Variants in UBA7 observed in about 807,000 individuals in gnomAD.
UBA7 encodes the protein ubiquitin like modifier activating enzyme 7.
A neutral mutation model predicts 113.0 loss-of-function variants in UBA7; 88 were observed. That is an observed-to-expected ratio of 0.78 (90% CI 0.66 to 0.93). UBA7 has a LOEUF of 0.93. UBA7 is among the 40% of genes least tolerant of loss of function. The pLI is 0.00. For missense variants in UBA7, 1,092 were observed against 1,266.4 expected (o/e 0.86, Z 2.09); for synonymous variants, 459 against 513.0 (o/e 0.89, Z 1.42).
chr3:49,813,020 GC>G, intron 4 of UBA7, 41 bp downstream of exon 4: 1 of 1,595,594 alleles, frequency 6.3e-7, no homozygotes, highest in Non-Finnish European at 8.5e-7. Flanking sequence ...GAGGCCAGTT[GC>G]TGGCTGTAAT....
At chr3:49,806,328 C>T (rs553964901) in intron 21 of UBA7, 163 bp from the exon 22 acceptor site, 29 of 641,700 alleles carry the variant, frequency 4.5e-5, no homozygotes, top group East Asian at 3.6e-4. Context: ...GTCTCAGCCC[C>T]CTCCCCGTCC....
chr3:49,813,942 C>CTGGCTCCT lies in UBA7; in HGVS notation c.-156_-155insAGGAGCCA. On this transcript the variant is annotated 5_prime_UTR_variant, in exon 1 of 24. Coordinates refer to ENST00000333486, the MANE Select transcript of UBA7 (RefSeq NM_003335.3). ...GGACGCTGCTGGTCACAGCTCTCTTCCTGGAGAAAAGAAAAGTGAAAGTTA... is the reference window on the plus strand; with the variant it reads ...GGACGCTGCTGGTCACAGCTCTCTTCTGGCTCCTCTGGAGAAAAGAAAAGTGAAAGTTA... 1.3e-6 allele frequency: 1 copy of CTGGCTCCT among 776,644 alleles called. No homozygotes were observed. Among genetic ancestry groups the CTGGCTCCT allele is most frequent in the Non-Finnish European group, 2.1e-6 (1 of 482,196 alleles). The allele number at this position is 776,644 out of a possible 1,614,324, so 48.1% of individuals were successfully genotyped here.
chr3:49,812,787 A>C, intron 4 of UBA7, 49 bp from the exon 5 acceptor site: 1 of 1,597,458 alleles, frequency 6.3e-7, no homozygotes, highest in Admixed American at 1.7e-5. Flanking sequence ...GATTGTACTT[A>C]AGGATAGGGG....
rs1263954560 is a variant in UBA7, at chr3:49,806,157, G to A, written c.2724C>T (p.His908=). ...PFAPAIQTFH[H]LKWTSWDRLK... ...GACGGTCCCAAGAGGTCCACTTCAGGTGATGGAACTGGGATGAGGTAGAGG... is the reference window on the plus strand; with the variant it reads ...GACGGTCCCAAGAGGTCCACTTCAGATGATGGAACTGGGATGAGGTAGAGG... The change falls in exon 22 of 24, where the codon CAC becomes CAT. Residue 908 remains histidine (H), a synonymous_variant. Coordinates refer to ENST00000333486, the MANE Select transcript of UBA7 (RefSeq NM_003335.3). 6.3e-7 allele frequency: 1 copy of A among 1,598,460 alleles called. No individual in the cohort carries two copies. The highest frequency in any genetic ancestry group is 1.7e-5 in the Admixed American group (1 of 57,546).
chr3:49,808,255 G>C, intron 19 of UBA7, 131 bp downstream of exon 19: 1 of 1,506,468 alleles, frequency 6.6e-7, no homozygotes, highest in Non-Finnish European at 9.2e-7. Flanking sequence ...CTGAGGTTCA[G>C]GGAATGTGAG....
At position 49,813,931 on chromosome 3, in the gene UBA7, A is replaced by G. The variant is rs2081590912; in HGVS notation, c.-144T>C. On this transcript the variant is annotated 5_prime_UTR_variant, in exon 1 of 24. Transcript: ENST00000333486. ...AAGCGAATAAGGGACGCTGCTGGTC[A>G]CAGCTCTCTTCCTGGAGAAAAGAAA... 1 of 742,086 alleles carries G rather than the reference A, an allele frequency of 1.3e-6. No homozygotes were observed. Among genetic ancestry groups the G allele is most frequent in the African/African-American group, 2.3e-5 (1 of 43,346 alleles). 46.0% of individuals were successfully genotyped at this position (742,086 alleles called of 1,614,324 possible). A position where few individuals can be genotyped will look rare whatever the true frequency, so the allele number is the denominator to read the frequency against.
intron 18 of UBA7, 62 bp downstream of exon 18, chr3:49,808,914 G>GAGGAC (rs1022497902): frequency 4.5e-6 from 7 of 1,561,634 alleles, no homozygotes; most frequent in Non-Finnish European, 5.2e-6. Context: ...AGCACAGGCT[G>GAGGAC]AGGACAGGAC....
chr3:49,813,424 C>A (rs532660246), intron 2 of UBA7, 41 bp from the exon 3 acceptor site: 8 of 1,609,662 alleles, frequency 5.0e-6, no homozygotes, highest in Middle Eastern at 1.7e-4. Flanking sequence ...AGACACTCCT[C>A]TTGGGCCGTG....
chr3:49,812,323 A>T, intron 6 of UBA7, 85 bp downstream of exon 6: 1 of 1,610,530 alleles, frequency 6.2e-7, no homozygotes, highest in Non-Finnish European at 8.5e-7. Flanking sequence ...GTGGAGGGAG[A>T]AAAACCCATC....
chr3:49,812,614 G>T, intron 5 of UBA7, 34 bp downstream of exon 5: 5 of 1,614,220 alleles, frequency 3.1e-6, no homozygotes. Flanking sequence ...CCTCTCCTTG[G>T]TCAGCAGGTG....
intron 21 of UBA7, among the ~76,000 whole-genome samples, chr3:49,806,766 C>G (rs928010331): frequency 6.6e-6 from 1 of 151,928 alleles, no homozygotes; most frequent in African/African-American, 2.4e-5. Context: ...ACAGGGGGTG[C>G]TTATCAGCCC....
At position 49,807,770 on chromosome 3, in the gene UBA7, A is replaced by T. The variant is rs762839252; in HGVS notation, c.2681T>A (p.Ile894Asn). The change falls in exon 21 of 24, where the codon ATC becomes AAC. Residue 894 changes from isoleucine to asparagine, a missense_variant. Around this residue, in one of 3 missense-constraint regions of UBA7, gnomAD observed 500 missense variants for 529.3 expected, o/e 0.94. Coordinates refer to ENST00000333486, the MANE Select transcript of UBA7 (RefSeq NM_003335.3). This position sits in a 1 kb window ranked among gnomAD's most constrained non-coding sequence, Gnocchi z 4.0. ...SYLHLAENYL[I>N]RYMPFAPAIQ... ...GGCTGGGGCAAAAGGCATATAGCGG[A>T]TGAGGTAGTTTTCAGCCAGATGTAG... 6.2e-7 allele frequency: 1 copy of T among 1,613,088 alleles called. No homozygotes were observed. Among genetic ancestry groups the T allele is most frequent in the African/African-American group, 1.3e-5 (1 of 74,892 alleles).
At position 49,810,550 on chromosome 3, in the gene UBA7, G is replaced by A. The variant is rs758478231; in HGVS notation, c.1434C>T (p.Ser478=). ...DMDHIERSNL[S]RQFLFRSQDV... is the part of the protein sequence containing the mutation. ...CCTGGGACCTGAAGAGGAACTGACG[G>A]CTGAGATTGGAGCGCTCTATGTGGT... The change falls in exon 12 of 24, where the codon AGC becomes AGT. Residue 478 remains serine (S), a synonymous_variant. Transcript: ENST00000333486. The surrounding 1 kb of genome is among the most constrained non-coding windows in gnomAD (Gnocchi z 5.6). 4.3e-6 allele frequency: 7 copies of A among 1,614,150 alleles called. No homozygotes were observed. The highest frequency in any genetic ancestry group is 5.9e-6 in the Non-Finnish European group (7 of 1,180,024).
rs780450954 is a variant in UBA7 at position 49,807,760 on chromosome 3, C to T, written c.2691G>A (p.Met897Ile). The T allele has an allele frequency of 6.2e-7, 1 of 1,611,854 alleles. No homozygotes were observed. Among genetic ancestry groups the T allele is most frequent in the Non-Finnish European group, 8.5e-7 (1 of 1,179,024 alleles). Residue 897 changes from methionine to isoleucine, a missense_variant, in exon 21 of 24, where the codon ATG becomes ATA. This residue lies in a region of UBA7 where 500 missense variants were observed against 529.3 expected (regional missense o/e 0.94). Coordinates refer to ENST00000333486, the MANE Select transcript of UBA7 (RefSeq NM_003335.3). The surrounding 1 kb of genome is among the most constrained non-coding windows in gnomAD (Gnocchi z 4.0). ...HLAENYLIRYMPFAPAIQTFH... is the reference protein window; with the variant it reads ...HLAENYLIRYIPFAPAIQTFH... ...CCGTCTGGATGGCTGGGGCAAAAGG[C>T]ATATAGCGGATGAGGTAGTTTTCAG...
Position 49,809,471 on chromosome 3 carries a change from A to G in UBA7, c.2089-7T>C, listed in dbSNP as rs1233541185. The G allele has an allele frequency of 2.5e-6, 4 of 1,614,022 alleles. No individual in the cohort carries two copies. In the Admixed American group the frequency reaches 5.0e-5, roughly 20 times the overall value. On this transcript the variant is annotated splice_region_variant and splice_polypyrimidine_tract_variant and intron_variant, in intron 16 of 23. Coordinates refer to ENST00000333486, the MANE Select transcript of UBA7 (RefSeq NM_003335.3). The stretch of plus-strand genomic sequence containing the variant: ...GAGTTCCATCCTCAAGCACCTAGGT[A>G]GGTAAGTAGAAGCTGCTGGGCTCAG...
intron 21 of UBA7, 179 bp from the exon 22 acceptor site, chr3:49,806,344 G>A (rs2081452896): frequency 6.4e-6 from 4 of 620,248 alleles, no homozygotes; most frequent in Non-Finnish European, 8.5e-6. Context: ...CGTCCAGGCC[G>A]GGGCCAGCAC....
In UBA7 at chr3:49,810,247, G is replaced by A. The variant is rs1343487808; in HGVS notation, c.1633+16C>T. 1.9e-6 allele frequency: 3 copies of A among 1,613,546 alleles called. No individual in the cohort carries two copies. Among genetic ancestry groups the A allele is most frequent in the Non-Finnish European group, 1.7e-6 (2 of 1,179,740 alleles). On this transcript the variant is annotated intron_variant, in intron 13 of 23. Transcript: ENST00000333486. This position sits in a 1 kb window ranked among gnomAD's most constrained non-coding sequence, Gnocchi z 5.6. Reference sequence around the variant, plus strand: ...AGCTGTGGGCAAGGGACTGACCTCCGAAGTCAAGCACTCACGGGCCTGGAA... The same window carrying A: ...AGCTGTGGGCAAGGGACTGACCTCCAAAGTCAAGCACTCACGGGCCTGGAA...
At position 49,807,882 on chromosome 3, in the gene UBA7, T is replaced by C. The variant is rs890375355; in HGVS notation, c.2569A>G (p.Thr857Ala). 2 of 1,613,398 alleles carry C rather than the reference T, an allele frequency of 1.2e-6. No individual in the cohort carries two copies. Among genetic ancestry groups the C allele is most frequent in the Middle Eastern group, 1.7e-4 (1 of 6,060 alleles). ...GQIIPAIATTTAAVAGLLGLE... is the reference protein window; with the variant it reads ...GQIIPAIATTAAAVAGLLGLE... ...CCCAACAGGCCTGCCACAGCTGCTG[T>C]AGTGGTGGCAATGGCTGGGATAATC... The change falls in exon 21 of 24, where the codon ACA becomes GCA. Residue 857 changes from threonine to alanine, a missense_variant. Coordinates refer to ENST00000333486, the MANE Select transcript of UBA7 (RefSeq NM_003335.3). This position sits in a 1 kb window ranked among gnomAD's most constrained non-coding sequence, Gnocchi z 4.0.
rs2081470744 is a variant in UBA7 at position 49,807,367 on chromosome 3, C to T, written c.2715+369G>A. ...TAGGAGGTAGGCCAGGGCCCCCGTA[C>T]CATGCAGGGGGAAGCTAGACTCTTT... is the stretch of plus-strand genomic sequence containing the variant. On this transcript the variant is annotated intron_variant, in intron 21 of 23. Coordinates refer to ENST00000333486, the MANE Select transcript of UBA7 (RefSeq NM_003335.3). The surrounding 1 kb of genome is among the most constrained non-coding windows in gnomAD (Gnocchi z 4.0). Among the ~76,000 whole-genome samples, 1 of 152,192 alleles carries T rather than the reference C, an allele frequency of 6.6e-6. No homozygotes were observed. The highest frequency in any genetic ancestry group is 2.4e-5 in the African/African-American group (1 of 41,444).
Sources: gnomAD v4.1 joint callset for allele counts (sites outside exome capture counted in the v4.1 genomes callset) on GRCh38, gnomAD v4.1.1 for gene constraint, gnomAD v4.1.1 regional missense constraint, Gnocchi (gnomAD v3.1) non-coding constraint, MANE v1.5 for transcripts, NCBI Gene and HGNC (gene_info 2026-07-23, HGNC 2026-07-21) for gene names.